Variants in SYNE1 observed in about 807,000 individuals in gnomAD.
The protein encoded by SYNE1 is spectrin repeat containing nuclear envelope protein 1.
Under a neutral mutation model 1,111.0 loss-of-function variants are expected in SYNE1, and 616 were observed. The ratio of observed to expected loss-of-function variants is 0.55; its 90% confidence interval spans 0.52 to 0.59. The LOEUF (loss-of-function observed/expected upper bound fraction) is 0.59, where lower values mean the gene tolerates loss of function less well. Ranked by LOEUF, SYNE1 falls within the 20% of genes least tolerant of loss-of-function variation. SYNE1 has a pLI of 0.00. For missense variants in SYNE1, 10,006 were observed against 10,417.0 expected (o/e 0.96, Z 1.72); for synonymous variants, 3,855 against 3,825.8 (o/e 1.01, Z -0.28).
At chr6:152,327,368 C>A (rs1282860524) in intron 78 of SYNE1, among the ~76,000 whole-genome samples, 1 of 152,012 alleles carries the variant, frequency 6.6e-6, no homozygotes, top group Non-Finnish European at 1.5e-5. Context: ...ATTTACCAGA[C>A]CACAGAGCCA....
intron 130 of SYNE1, among the ~76,000 whole-genome samples, chr6:152,175,832 C>T (rs1472136155): frequency 6.6e-6 from 1 of 152,120 alleles, no homozygotes; most frequent in East Asian, 1.9e-4. Flanking sequence ...CAACCCTACC[C>T]TTCTGCAACA....
At chr6:152,606,485 G>A (rs904714442) in intron 3 of SYNE1, among the ~76,000 whole-genome samples, 2 of 152,258 alleles carry the variant, frequency 1.3e-5, no homozygotes, top group South Asian at 4.1e-4. Flanking sequence ...ACAGTATCTG[G>A]ACCACAGGAG....
rs2062965333 is a variant in SYNE1 at position 152,163,513 on chromosome 6, A to AAAAT, written c.23790+649_23790+650insATTT. Among the ~76,000 whole-genome samples, 3 of 151,304 alleles carry AAAAT rather than the reference A, an allele frequency of 2.0e-5. No homozygotes were observed. In the South Asian group the frequency reaches 6.3e-4, roughly 32 times the overall value. On this transcript the variant is annotated intron_variant, in intron 131 of 145. Transcript: ENST00000367255. Reference sequence around the variant, plus strand: ...GACTCTGTCTCAGGAAAAAAAAAAAAAAAAAGAAAGAATAAATGAGGGAGG... The same window carrying AAAAT: ...GACTCTGTCTCAGGAAAAAAAAAAAAAAATAAAAAGAAAGAATAAATGAGGGAGG...
At chr6:152,376,254 C>A in intron 58 of SYNE1, 127 bp downstream of exon 58, 2 of 937,488 alleles carry the variant, frequency 2.1e-6, no homozygotes, top group Non-Finnish European at 3.4e-6. Context: ...TCCTGCTGTG[C>A]GGCCTGGTTC....
At chr6:152,465,066 C>T (rs2098756362) in intron 18 of SYNE1, 192 bp downstream of exon 18, 1 of 631,462 alleles carries the variant, frequency 1.6e-6, no homozygotes, top group Non-Finnish European at 2.8e-6. Flanking sequence ...ATTTACTCAA[C>T]CCTCCATCAG....
chr6:152,207,696 A>G (rs1447765618), intron 125 of SYNE1, among the ~76,000 whole-genome samples: 2 of 152,188 alleles, frequency 1.3e-5, no homozygotes, highest in Admixed American at 6.5e-5. Flanking sequence ...TTCCCTTGCC[A>G]TTACCTTTTC....
At chr6:152,485,757 A>G (rs2098935706) in intron 12 of SYNE1, among the ~76,000 whole-genome samples, 1 of 152,234 alleles carries the variant, frequency 6.6e-6, no homozygotes, top group East Asian at 1.9e-4. Flanking sequence ...GCCCCACAAA[A>G]GTTAGCAGAT....
intron 145 of SYNE1, among the ~76,000 whole-genome samples, chr6:152,124,528 A>T (rs1349130826): frequency 1.3e-5 from 2 of 152,098 alleles, no homozygotes; most frequent in African/African-American, 4.8e-5. Context: ...ATTAGCATAG[A>T]TGGTCTTCTA....
chr6:152,194,145 T>G (rs1303970251), intron 127 of SYNE1, among the ~76,000 whole-genome samples: 1 of 152,262 alleles, frequency 6.6e-6, no homozygotes, highest in Admixed American at 6.5e-5. Flanking sequence ...AACATTCTTT[T>G]CTTTCAGATT....
At chr6:152,601,475 C>T (rs1389677746) in intron 3 of SYNE1, among the ~76,000 whole-genome samples, 1 of 152,116 alleles carries the variant, frequency 6.6e-6, no homozygotes, top group Non-Finnish European at 1.5e-5. Flanking sequence ...AAGGCAAATA[C>T]AAGACAGCCC....
chr6:152,258,689 A>T (rs987334386), intron 101 of SYNE1, among the ~76,000 whole-genome samples: 5 of 151,854 alleles, frequency 3.3e-5, no homozygotes, highest in Non-Finnish European at 5.9e-5. Context: ...ATGGTGTAGC[A>T]TTCAAACTTT....
At chr6:152,189,576 C>T (rs1018236758) in intron 127 of SYNE1, among the ~76,000 whole-genome samples, 169 bp from the exon 128 acceptor site, 1 of 152,028 alleles carries the variant, frequency 6.6e-6, no homozygotes, top group South Asian at 2.1e-4. Flanking sequence ...GGTTCCAGAC[C>T]ACTGAAATAA....
At position 152,401,450 on chromosome 6, in the gene SYNE1, T is replaced by G. The variant is rs987983564; in HGVS notation, c.6826-109A>C. 3.0e-5 allele frequency: 33 copies of G among 1,092,844 alleles called. No homozygotes were observed. In the East Asian group the frequency reaches 8.0e-4, roughly 26 times the overall value. 67.7% of individuals were successfully genotyped at this position (1,092,844 alleles called of 1,614,324 possible). On this transcript the variant is annotated intron_variant, in intron 46 of 145. Coordinates refer to ENST00000367255, the MANE Select transcript of SYNE1 (RefSeq NM_182961.4). ...AATTGTCAAAGCCACACAAGTCTCATCATGGAAGCCAGCTCCAATGTTAAT... is the reference window on the plus strand; with the variant it reads ...AATTGTCAAAGCCACACAAGTCTCAGCATGGAAGCCAGCTCCAATGTTAAT...
intron 104 of SYNE1, among the ~76,000 whole-genome samples, chr6:152,251,910 T>C (rs1374534784): frequency 6.6e-6 from 1 of 152,002 alleles, no homozygotes; most frequent in Non-Finnish European, 1.5e-5. Context: ...CTGGAATTAT[T>C]GGCAGGGCAA....
intron 73 of SYNE1, 100 bp downstream of exon 73, chr6:152,346,959 C>T (rs1590731124): frequency 2.1e-6 from 3 of 1,439,872 alleles, no homozygotes; most frequent in East Asian, 2.3e-5. Context: ...CAAAACGAAT[C>T]CAAAGATTTG....
chr6:152,371,845 C>CAGGAA lies in SYNE1; in HGVS notation c.9507+1187_9507+1191dup, dbSNP rs71017534. On this transcript the variant is annotated intron_variant, in intron 59 of 145. Coordinates refer to ENST00000367255, the MANE Select transcript of SYNE1 (RefSeq NM_182961.4). The stretch of plus-strand genomic sequence containing the variant: ...CAGGAAAGGACAGGACAGGACAGGA[C>CAGGAA]AGGAAAGGAAAGGAAAGGAAAGGAA... Among the ~76,000 whole-genome samples the CAGGAA allele has an allele frequency of 3.0e-3, 176 of 59,288 alleles. 1 individual carries two copies. Among genetic ancestry groups the CAGGAA allele is most frequent in the Middle Eastern group, 8.9e-3 (1 of 112 alleles). The allele number at this position is 59,288 out of a possible 152,430, so 38.9% of individuals were successfully genotyped here.
intron 11 of SYNE1, among the ~76,000 whole-genome samples, chr6:152,497,916 T>C (rs956326471): frequency 6.6e-6 from 1 of 152,182 alleles, no homozygotes; most frequent in Non-Finnish European, 1.5e-5. Flanking sequence ...TACTTTTTCT[T>C]TCACTTTATT....
chr6:152,369,229 C>G, intron 60 of SYNE1, 102 bp from the exon 61 acceptor site: 1 of 1,494,082 alleles, frequency 6.7e-7, no homozygotes, highest in South Asian at 1.2e-5. Flanking sequence ...GCAGGCAGTC[C>G]GTGTACCCTG....
At chr6:152,309,758 G>A in intron 90 of SYNE1, 77 bp downstream of exon 90, 1 of 1,579,616 alleles carries the variant, frequency 6.3e-7, no homozygotes. Context: ...TTTGATGGCT[G>A]AGCCCACACA....
Sources: gnomAD v4.1 joint callset for allele counts (sites outside exome capture counted in the v4.1 genomes callset) on GRCh38, gnomAD v4.1.1 for gene constraint, MANE v1.5 for transcripts, NCBI Gene and HGNC (gene_info 2026-07-23, HGNC 2026-07-21) for gene names.